Variants in XPA observed in about 807,000 individuals in gnomAD.
XPA encodes the protein XPA, DNA damage recognition and repair factor.
A neutral mutation model predicts 35.7 loss-of-function variants in XPA; 27 were observed. That is an observed-to-expected ratio of 0.76 (90% CI 0.56 to 1.04). The LOEUF (loss-of-function observed/expected upper bound fraction) is 1.04, where lower values mean the gene tolerates loss of function less well. Ranked by LOEUF, XPA falls within the 50% of genes least tolerant of loss-of-function variation. The pLI, the probability that XPA is intolerant of heterozygous loss-of-function variation, is 0.00. For synonymous variants in XPA, 133 were observed against 118.4 expected (o/e 1.12, Z -0.80); for missense variants, 354 against 342.7 (o/e 1.03, Z -0.26).
the XPA span, chr9:97,660,955 C>T: frequency 6.2e-7 from 1 of 1,610,482 alleles, no homozygotes; most frequent in Admixed American, 1.7e-5. Context: ...GATTCTCTTC[C>T]TGGACATTCT....
At chr9:97,684,740 T>G (rs1168100726) in intron 5 of XPA, among the ~76,000 whole-genome samples, 183 bp downstream of exon 5, 1 of 152,198 alleles carries the variant, frequency 6.6e-6, no homozygotes, top group African/African-American at 2.4e-5. Flanking sequence ...AATGTCGTAC[T>G]GTGAGGTTTG....
At chr9:97,693,866 A>G in intron 1 of XPA, 107 bp from the exon 2 acceptor site, 1 of 1,005,846 alleles carries the variant, frequency 9.9e-7, no homozygotes, top group South Asian at 1.3e-5. Flanking sequence ...CAAACAACAC[A>G]AGGATGTCCA....
chr9:97,684,895 C>T (rs754592071), intron 5 of XPA, 28 bp downstream of exon 5: 17 of 1,572,350 alleles, frequency 1.1e-5, no homozygotes, highest in South Asian at 8.9e-5. Context: ...AAACACAATC[C>T]TTCACGATAT....
At chr9:97,674,069 A>T (rs1587734560), downstream of XPA, among the ~76,000 whole-genome samples, 2 of 152,286 alleles carry the variant, frequency 1.3e-5, no homozygotes, top group Admixed American at 1.3e-4. Context: ...TTTTGGAGTA[A>T]TTTACCCACG....
chr9:97,689,596 C>T lies in XPA; in HGVS notation c.327G>A (p.Gly109=), dbSNP rs1828820303. 6.2e-7 allele frequency: 1 copy of T among 1,613,032 alleles called. No individual in the cohort carries two copies. The highest frequency in any genetic ancestry group is 8.5e-7 in the Non-Finnish European group (1 of 1,179,276). ...TAAGATAAGAATCCATAAATTCTTTCCCACATTCTTCGCATATTACATAAT... is the reference window on the plus strand; with the variant it reads ...TAAGATAAGAATCCATAAATTCTTTTCCACATTCTTCGCATATTACATAAT... ...EFDYVICEEC[G]KEFMDSYLMN... is the part of the protein sequence containing the mutation. Residue 109 remains glycine, a synonymous_variant, in exon 3 of 6, where the codon GGG becomes GGA. Transcript: ENST00000375128.
intron 5 of XPA, among the ~76,000 whole-genome samples, chr9:97,684,387 C>G (rs184971130): frequency 1.4e-4 from 22 of 152,292 alleles, no homozygotes; most frequent in African/African-American, 5.3e-4. Context: ...GAAATGACTA[C>G]TTCATGGAGA....
chr9:97,660,571 G>T, the XPA span, among the ~76,000 whole-genome samples: 2 of 152,220 alleles, frequency 1.3e-5, no homozygotes, highest in Non-Finnish European at 2.9e-5. Context: ...AAATGAAAGA[G>T]AAGTACGTTG....
the XPA span, among the ~76,000 whole-genome samples, chr9:97,666,218 T>C: frequency 6.6e-6 from 1 of 152,206 alleles, no homozygotes; most frequent in African/African-American, 2.4e-5. Flanking sequence ...TTAGTATGTA[T>C]TTGCTAGTAA....
chr9:97,654,967 G>A, the XPA span: 1 of 1,529,070 alleles, frequency 6.5e-7, no homozygotes, highest in South Asian at 1.2e-5. Context: ...CTTTACTGCT[G>A]AGCTGAGTTA....
chr9:97,675,478 A>G lies in XPA; in HGVS notation c.783T>C (p.Cys261=), dbSNP rs762436379. ...NLEDDMYRKT[C]TMCGHELTYE... is the part of the protein sequence containing the mutation. ...ATGTCAGTTCATGGCCACACATAGT[A>G]CAAGTCTTACGGTACATGTCATCTT... The change falls in exon 6 of 6, where the codon TGT becomes TGC. Residue 261 remains cysteine, a synonymous_variant. Coordinates refer to ENST00000375128, the MANE Select transcript of XPA (RefSeq NM_000380.4). 2 of 1,613,740 alleles carry G rather than the reference A, an allele frequency of 1.2e-6. No individual in the cohort carries two copies. Among genetic ancestry groups the G allele is most frequent in the African/African-American group, 2.7e-5 (2 of 74,920 alleles).
chr9:97,656,687 C>CA, the XPA span, among the ~76,000 whole-genome samples: 1 of 152,210 alleles, frequency 6.6e-6, no homozygotes, highest in African/African-American at 2.4e-5. Context: ...TGTTTGCTCT[C>CA]ATGCTCACTC....
chr9:97,656,050 G>A, the XPA span: 10 of 1,613,936 alleles, frequency 6.2e-6, no homozygotes, highest in Admixed American at 1.7e-5. Flanking sequence ...GTCCCAAACC[G>A]AAGTTTGTAA....
intron 5 of XPA, among the ~76,000 whole-genome samples, chr9:97,676,786 C>T (rs957913945): frequency 2.0e-5 from 3 of 152,134 alleles, no homozygotes; most frequent in Non-Finnish European, 4.4e-5. Flanking sequence ...ATACCTCTAG[C>T]ATGAAAAGTA....
the XPA span, among the ~76,000 whole-genome samples, chr9:97,665,723 A>T: frequency 6.6e-6 from 1 of 152,224 alleles, no homozygotes; most frequent in Non-Finnish European, 1.5e-5. Flanking sequence ...CCCTTGAACA[A>T]CAACAGGGGT....
chr9:97,662,088 G>C, the XPA span: 1 of 1,613,964 alleles, frequency 6.2e-7, no homozygotes, highest in Non-Finnish European at 8.5e-7. Context: ...TCTTTGTACA[G>C]ACTCTGCTAC....
the XPA span, chr9:97,662,222 T>C: frequency 9.3e-7 from 1 of 1,072,386 alleles, no homozygotes; most frequent in Admixed American, 1.8e-5. Context: ...AATTTTTACC[T>C]AAGATTGTTG....
chr9:97,657,934 T>A, the XPA span, among the ~76,000 whole-genome samples: 94 of 140,702 alleles, frequency 6.7e-4, no homozygotes, highest in African/African-American at 2.5e-3. Context: ...ATATTTTTTT[T>A]TTTTTTTTTA....
At chr9:97,663,010 T>A in the XPA span, 1 of 1,613,202 alleles carries the variant, frequency 6.2e-7, no homozygotes, top group Non-Finnish European at 8.5e-7. Flanking sequence ...TTACATGTGC[T>A]AAGAGTTATG....
At chr9:97,671,159 T>C (rs1459058704), downstream of XPA, 2 of 1,613,658 alleles carry the variant, frequency 1.2e-6, no homozygotes, top group Admixed American at 3.3e-5. Context: ...GACCCTCATA[T>C]CTTGGCCGTG....
Sources: gnomAD v4.1 joint callset for allele counts (sites outside exome capture counted in the v4.1 genomes callset) on GRCh38, gnomAD v4.1.1 for gene constraint, MANE v1.5 for transcripts, NCBI Gene and HGNC (gene_info 2026-07-23, HGNC 2026-07-21) for gene names.